Variants in PBRM1 observed in about 807,000 individuals in gnomAD.
PBRM1 encodes polybromo 1.
PBRM1 carries 27 observed loss-of-function variants against 194.5 expected under a neutral mutation model. The ratio of observed to expected loss-of-function variants is 0.14; its 90% confidence interval spans 0.10 to 0.19. The LOEUF (loss-of-function observed/expected upper bound fraction) is 0.19. Among genes scored for constraint, PBRM1 ranks in the 10% least tolerant of loss-of-function variants. The pLI is 1.00. For synonymous variants in PBRM1, 655 were observed against 693.2 expected (o/e 0.94, Z 0.87); for missense variants, 1,466 against 2,077.2 (o/e 0.71, Z 5.72).
At chr3:52,611,190 CA>C (rs913646882) in intron 15 of PBRM1, among the ~76,000 whole-genome samples, 12 of 151,520 alleles carry the variant, frequency 7.9e-5, no homozygotes, top group Admixed American at 6.6e-4. Flanking sequence ...AAGACACACA[CA>C]AAAAAAACAC....
intron 3 of PBRM1, among the ~76,000 whole-genome samples, chr3:52,663,577 A>C (rs2096769556): frequency 6.6e-6 from 1 of 152,268 alleles, no homozygotes; most frequent in Non-Finnish European, 1.5e-5. Context: ...CTCTACAGAT[A>C]AAGTTCCAAG....
intron 20 of PBRM1, among the ~76,000 whole-genome samples, chr3:52,580,884 CATT>C (rs34520660): frequency 0.059 from 8,918 of 152,162 alleles, 345 homozygotes; most frequent in Non-Finnish European, 0.084. Context: ...TAACAGACAT[CATT>C]ATTACTGTTG....
At chr3:52,615,117 C>T (rs1046770982) in intron 15 of PBRM1, among the ~76,000 whole-genome samples, 3 of 152,116 alleles carry the variant, frequency 2.0e-5, no homozygotes, top group East Asian at 1.9e-4. Context: ...AAAATGTCTA[C>T]GCATTTAAGA....
exon 14 of PBRM1, chr3:52,617,490 A>G: frequency 6.2e-7 from 1 of 1,612,982 alleles, no homozygotes; most frequent in Non-Finnish European, 8.5e-7. Context: ...GAGCTTCAAG[A>G]ACAACATTGA....
At chr3:52,673,923 C>T (rs1042744401) in intron 2 of PBRM1, among the ~76,000 whole-genome samples, 6 of 147,122 alleles carry the variant, frequency 4.1e-5, no homozygotes, top group East Asian at 2.1e-4. Context: ...TGGTGGCACA[C>T]GCCTGTAATC....
intron 2 of PBRM1, among the ~76,000 whole-genome samples, chr3:52,674,637 A>ATATATATAT (rs1479743746): frequency 8.4e-5 from 11 of 130,316 alleles, no homozygotes; most frequent in African/African-American, 2.7e-4. Flanking sequence ...CAAAAAAAAA[A>ATATATATAT]AAAAAAATAT....
chr3:52,677,034 T>C (rs1378789112), intron 2 of PBRM1, among the ~76,000 whole-genome samples: 1 of 152,146 alleles, frequency 6.6e-6, no homozygotes, highest in African/African-American at 2.4e-5. Flanking sequence ...CATTCAGTTT[T>C]ATAAGGGAAG....
At chr3:52,679,730 T>A (rs777269980), upstream of PBRM1, 8 of 1,610,730 alleles carry the variant, frequency 5.0e-6, no homozygotes, top group Middle Eastern at 1.7e-4. Context: ...ACTTCTTCTA[T>A]AAGAAATAAT....
intron 11 of PBRM1, among the ~76,000 whole-genome samples, chr3:52,633,114 CTA>C (rs2095676509): frequency 6.6e-6 from 1 of 152,134 alleles, no homozygotes; most frequent in East Asian, 1.9e-4. Flanking sequence ...GACTGACACT[CTA>C]TACCCATTAA....
At chr3:52,681,687 T>C, upstream of PBRM1, 1 of 1,008,518 alleles carries the variant, frequency 9.9e-7, no homozygotes, top group African/African-American at 1.7e-5. Context: ...AGATAATCAG[T>C]AATTTACCAG....
intron 22 of PBRM1, among the ~76,000 whole-genome samples, chr3:52,573,419 T>C (rs2088168653): frequency 6.6e-6 from 1 of 152,080 alleles, no homozygotes; most frequent in Non-Finnish European, 1.5e-5. Context: ...TCAGCCTCTC[T>C]AGTAGCTGGG....
At chr3:52,592,877 C>T (rs1401216518) in intron 17 of PBRM1, among the ~76,000 whole-genome samples, 1 of 152,126 alleles carries the variant, frequency 6.6e-6, no homozygotes, top group Non-Finnish European at 1.5e-5. Flanking sequence ...CTCCTGGTTT[C>T]AGTCTTGCGA....
At chr3:52,645,522 T>TC (rs1277489134) in intron 7 of PBRM1, among the ~76,000 whole-genome samples, 1 of 151,524 alleles carries the variant, frequency 6.6e-6, no homozygotes, top group African/African-American at 2.4e-5. Context: ...TTTTTTTTTT[T>TC]CCTTTCTTAA....
chr3:52,601,991 G>A (rs1269890650), intron 17 of PBRM1, among the ~76,000 whole-genome samples: 1 of 152,190 alleles, frequency 6.6e-6, no homozygotes, highest in Non-Finnish European at 1.5e-5. Context: ...GACCCCACAT[G>A]CTGGGAAAAG....
chr3:52,641,662 AT>A lies in PBRM1; in HGVS notation c.1087+291del, dbSNP rs541973404. ...TCTAAGATGAATGTGGATTTCTGAG[AT>A]TTTCTGATGCTTTTACTAGTACTCA... On this transcript the variant is annotated intron_variant, in intron 10 of 29. Coordinates refer to ENST00000296302, the Ensembl canonical transcript of PBRM1. Among the ~76,000 whole-genome samples, 23 of 152,186 alleles carry A rather than the reference AT, an allele frequency of 1.5e-4. No homozygotes were observed. In the East Asian group the frequency reaches 4.4e-3, roughly 29 times the overall value.
At chr3:52,572,790 C>A (rs1166910522) in intron 22 of PBRM1, among the ~76,000 whole-genome samples, 37 of 152,176 alleles carry the variant, frequency 2.4e-4, no homozygotes, top group Admixed American at 2.4e-3. Flanking sequence ...AAAAATGATA[C>A]ACCTCATCTA....
exon 1 of PBRM1, chr3:52,685,775 G>C: frequency 4.7e-6 from 1 of 210,672 alleles, no homozygotes; most frequent in Non-Finnish European, 9.2e-6. Context: ...CTGCAGCCCC[G>C]GCCGCGGTCA....
intron 5 of PBRM1, among the ~76,000 whole-genome samples, chr3:52,654,020 C>T (rs966495739): frequency 3.3e-5 from 5 of 152,162 alleles, no homozygotes; most frequent in Admixed American, 3.3e-4. Flanking sequence ...TTCACAACAA[C>T]CTAGAATCAC....
intron 2 of PBRM1, among the ~76,000 whole-genome samples, chr3:52,677,172 G>C (rs922203383): frequency 2.6e-5 from 4 of 152,142 alleles, no homozygotes; most frequent in African/African-American, 9.7e-5. Context: ...TGACACCAAA[G>C]GCACAGGCAA....
Sources: allele counts gnomAD v4.1 joint callset (sites outside exome capture counted in the v4.1 genomes callset), GRCh38; gene constraint gnomAD v4.1.1; transcripts MANE v1.5; gene names NCBI Gene and HGNC (gene_info 2026-07-23, HGNC 2026-07-21).